The following TGFBR3 variants were observed in gnomAD, a reference collection of about 807,000 sequenced individuals.
TGFBR3 encodes the protein transforming growth factor beta receptor 3.
A neutral mutation model predicts 87.9 loss-of-function variants in TGFBR3; 46 were observed. That is an observed-to-expected ratio of 0.52 (90% CI 0.41 to 0.67). The LOEUF (loss-of-function observed/expected upper bound fraction) is 0.67, where lower values mean the gene tolerates loss of function less well. Ranked by LOEUF, TGFBR3 falls within the 30% of genes least tolerant of loss-of-function variation. The probability of loss-of-function intolerance (pLI) is 0.00; values close to 1 mark genes in which losing one functional copy is unlikely to be tolerated. For missense variants in TGFBR3, 866 were observed against 1,041.9 expected, an observed-to-expected ratio of 0.83 and a Z score of 2.32; for synonymous variants, 381 against 391.6, an observed-to-expected ratio of 0.97 and a Z score of 0.32.
At chr1:91,899,396 C>T (rs1233322015) in intron 2 of TGFBR3, among the ~76,000 whole-genome samples, 1 of 152,000 alleles carries the variant, frequency 6.6e-6, no homozygotes, top group Non-Finnish European at 1.5e-5. Context: ...GTCCCACCTA[C>T]TCAGGAGGCT....
intron 16 of TGFBR3, chr1:91,695,463 T>A: frequency 1.8e-6 from 1 of 564,602 alleles, no homozygotes. Context: ...ACAATCGCAA[T>A]TAGCACAGTT....
At chr1:91,876,219 T>G (rs1191860156) in intron 1 of TGFBR3, among the ~76,000 whole-genome samples, 1 of 152,046 alleles carries the variant, frequency 6.6e-6, no homozygotes, top group Non-Finnish European at 1.5e-5. Context: ...CTAAGAGTTA[T>G]CAAAGATTAT....
intron 3 of TGFBR3, among the ~76,000 whole-genome samples, chr1:91,765,367 CAG>C (rs1229905485): frequency 1.3e-5 from 2 of 151,698 alleles, no homozygotes; most frequent in African/African-American, 4.8e-5. Context: ...ATAATAATTA[CAG>C]AGTCATATTG....
At chr1:91,831,263 G>A (rs887567352) in intron 2 of TGFBR3, among the ~76,000 whole-genome samples, 1 of 151,796 alleles carries the variant, frequency 6.6e-6, no homozygotes. Context: ...GGTCCTCTTC[G>A]CTCTTGCAAA....
intron 2 of TGFBR3, among the ~76,000 whole-genome samples, chr1:91,810,443 A>T (rs541095731): frequency 1.3e-5 from 2 of 152,212 alleles, no homozygotes; most frequent in Non-Finnish European, 2.9e-5. Flanking sequence ...AGCAAATATA[A>T]GCTTTTATAA....
At chr1:91,831,227 A>T (rs555312700) in intron 2 of TGFBR3, among the ~76,000 whole-genome samples, 48 of 147,294 alleles carry the variant, frequency 3.3e-4, no homozygotes, top group East Asian at 1.2e-3. Context: ...AAAACAATTT[A>T]AAAAAAAAAA....
chr1:91,883,226 G>A (rs1376011308), intron 1 of TGFBR3, among the ~76,000 whole-genome samples: 4 of 151,938 alleles, frequency 2.6e-5, no homozygotes, highest in South Asian at 2.1e-4. Flanking sequence ...GGCTGGTCTC[G>A]AACTCCTTGG....
intron 2 of TGFBR3, among the ~76,000 whole-genome samples, chr1:91,856,266 C>G (rs1252460586): frequency 5.3e-5 from 8 of 152,060 alleles, no homozygotes; most frequent in African/African-American, 9.7e-5. Flanking sequence ...CGGGGTTTCA[C>G]CGTGTTAGCC....
chr1:91,822,195 T>C (rs1306380272), intron 2 of TGFBR3, among the ~76,000 whole-genome samples: 3 of 149,488 alleles, frequency 2.0e-5, no homozygotes, highest in African/African-American at 7.5e-5. Context: ...TCTGGAGAGA[T>C]GATAGACAAA....
chr1:91,705,028 G>A (rs1003843862), intron 14 of TGFBR3, among the ~76,000 whole-genome samples: 1 of 152,174 alleles, frequency 6.6e-6, no homozygotes, highest in Non-Finnish European at 1.5e-5. Flanking sequence ...GAGAGAGCTG[G>A]AGTTTTGGCA....
At chr1:91,900,792 T>C (rs536379361) in intron 1 of TGFBR3, among the ~76,000 whole-genome samples, 22 of 152,338 alleles carry the variant, frequency 1.4e-4, no homozygotes, top group African/African-American at 5.3e-4. Context: ...TCTCAAAGTA[T>C]CAAAGACTAA....
intron 1 of TGFBR3, among the ~76,000 whole-genome samples, chr1:91,878,971 T>C (rs1485000332): frequency 2.0e-5 from 3 of 152,106 alleles, no homozygotes; most frequent in Non-Finnish European, 4.4e-5. Context: ...GGCAACAGTT[T>C]AACATTAAAG....
chr1:91,871,069 C>A (rs1678565499), intron 1 of TGFBR3, among the ~76,000 whole-genome samples: 1 of 151,724 alleles, frequency 6.6e-6, no homozygotes, highest in Admixed American at 6.6e-5. Flanking sequence ...TGCTAAGCAA[C>A]CCCAAGTCAC....
intron 3 of TGFBR3, among the ~76,000 whole-genome samples, chr1:91,765,794 G>T (rs563987996): frequency 9.2e-5 from 14 of 152,210 alleles, no homozygotes; most frequent in Non-Finnish European, 1.5e-4. Context: ...AATTTTACAC[G>T]GGTTTGCATG....
chr1:91,701,827 A>T (rs1015811181), intron 14 of TGFBR3, among the ~76,000 whole-genome samples: 1 of 152,206 alleles, frequency 6.6e-6, no homozygotes, highest in African/African-American at 2.4e-5. Flanking sequence ...CTGGAGACTC[A>T]GGAGGTCTTT....
chr1:91,835,872 A>ACTCTACCAT (rs1199186807), intron 2 of TGFBR3, among the ~76,000 whole-genome samples: 1 of 149,242 alleles, frequency 6.7e-6, no homozygotes, highest in Non-Finnish European at 1.5e-5. Context: ...TACCACTAGA[A>ACTCTACCAT]CTCTACCATG....
rs1472141823 is a variant in TGFBR3, at chr1:91,776,610, CT to C, written c.247-17861del. On this transcript the variant is annotated intron_variant, in intron 3 of 16. Transcript: ENST00000212355. ...ATAAAATGCCAGGTTTTGTAATTCT[CT>C]GGAAAGAAGCCTACCAGCGTTTGAC... 2.0e-5 allele frequency among the ~76,000 whole-genome samples: 3 copies of C among 152,270 alleles called. No individual in the cohort carries two copies. The East Asian group carries it at 5.8e-4, about 29-fold the overall frequency.
At chr1:91,873,962 AAG>A (rs2101250836) in intron 1 of TGFBR3, among the ~76,000 whole-genome samples, 1 of 152,208 alleles carries the variant, frequency 6.6e-6, no homozygotes, top group Admixed American at 6.5e-5. Flanking sequence ...AAAAAAAAAA[AAG>A]AAATCCATAA....
intron 14 of TGFBR3, among the ~76,000 whole-genome samples, chr1:91,705,162 A>G (rs1671752312): frequency 6.6e-6 from 1 of 152,100 alleles, no homozygotes. Flanking sequence ...CAGGAAGGAC[A>G]TTCGTGACCT....
Sources: gnomAD v4.1 joint callset for allele counts (sites outside exome capture counted in the v4.1 genomes callset) on GRCh38, gnomAD v4.1.1 for gene constraint, MANE v1.5 for transcripts, NCBI Gene and HGNC (gene_info 2026-07-23, HGNC 2026-07-21) for gene names.